C4orf36: variants seen among roughly 807,000 people sequenced by gnomAD.
C4orf36 encodes the protein uncharacterized protein C4orf36.
C4orf36 carries 11 observed loss-of-function variants against 12.2 expected under a neutral mutation model. The observed-to-expected ratio is 0.90, with a 90% CI of 0.57 to 1.49. The LOEUF is 1.49. Among genes scored for constraint, C4orf36 ranks in the 40% most tolerant of loss-of-function variants. The pLI is 0.00. For synonymous variants in C4orf36, 54 were observed against 51.3 expected, an observed-to-expected ratio of 1.05 and a Z score of -0.22; for missense variants, 137 against 133.9, an observed-to-expected ratio of 1.02 and a Z score of -0.11.
At chr4:86,891,421 CT>C (rs1353573547) in intron 2 of C4orf36, 34 bp downstream of exon 2, 1 of 1,533,864 alleles carries the variant, frequency 6.5e-7, no homozygotes, top group Non-Finnish European at 8.8e-7. Flanking sequence ...GCAGTCAATG[CT>C]TACCCTGATT....
the C4orf36 span, among the ~76,000 whole-genome samples, chr4:86,931,678 C>T: frequency 1.4e-4 from 21 of 152,130 alleles, no homozygotes; most frequent in Admixed American, 9.8e-4. Context: ...GGATTCTGAA[C>T]GTGATCACAG....
upstream of C4orf36, among the ~76,000 whole-genome samples, chr4:86,894,990 C>T (rs1747557335): frequency 6.6e-6 from 1 of 152,186 alleles, no homozygotes; most frequent in African/African-American, 2.4e-5. Flanking sequence ...CCCTAGGATT[C>T]CTGGCTCTCA....
the C4orf36 span, among the ~76,000 whole-genome samples, chr4:86,926,496 A>G: frequency 6.6e-6 from 1 of 152,196 alleles, no homozygotes; most frequent in Non-Finnish European, 1.5e-5. Flanking sequence ...ATTTAACCCA[A>G]AACAAAAGAG....
chr4:86,907,202 A>G, the C4orf36 span, among the ~76,000 whole-genome samples: 1 of 152,182 alleles, frequency 6.6e-6, no homozygotes, highest in Non-Finnish European at 1.5e-5. Context: ...TGTGAAAAAT[A>G]CAAATTTCCT....
the C4orf36 span, among the ~76,000 whole-genome samples, chr4:86,922,025 A>G: frequency 6.6e-6 from 1 of 152,226 alleles, no homozygotes; most frequent in African/African-American, 2.4e-5. Flanking sequence ...AATATGTGTG[A>G]TAGGTTTTAT....
intron 4 of C4orf36, among the ~76,000 whole-genome samples, chr4:86,884,278 A>G (rs1427151574): frequency 6.7e-6 from 1 of 148,584 alleles, no homozygotes; most frequent in Non-Finnish European, 1.5e-5. Context: ...ATAAGAAATT[A>G]GGCAGAAGGA....
chr4:86,921,334 G>A, the C4orf36 span, among the ~76,000 whole-genome samples: 10 of 152,100 alleles, frequency 6.6e-5, no homozygotes, highest in Non-Finnish European at 1.3e-4. Flanking sequence ...ACTCCACTAA[G>A]ACACCTGACC....
the C4orf36 span, among the ~76,000 whole-genome samples, chr4:86,907,751 T>C: frequency 2.6e-5 from 4 of 151,738 alleles, no homozygotes; most frequent in South Asian, 6.2e-4. Flanking sequence ...CCAAGGCGGG[T>C]GGATCACTTG....
chr4:86,934,006 T>A, the C4orf36 span, among the ~76,000 whole-genome samples: 1 of 152,106 alleles, frequency 6.6e-6, no homozygotes, highest in Non-Finnish European at 1.5e-5. Flanking sequence ...ATGTGGACAA[T>A]AAAAGAGTTG....
the C4orf36 span, among the ~76,000 whole-genome samples, chr4:86,898,323 C>T: frequency 5.9e-3 from 895 of 151,690 alleles, 13 homozygotes; most frequent in African/African-American, 0.02. Context: ...GCCCAGGAGG[C>T]AGAGGTTGCA....
chr4:86,876,795 A>ATT, intron 4 of C4orf36: 1 of 1,326,222 alleles, frequency 7.5e-7, no homozygotes, highest in Non-Finnish European at 9.9e-7. Context: ...ATAAAAAAAA[A>ATT]GAGATTTTCT....
chr4:86,920,884 C>A, the C4orf36 span, among the ~76,000 whole-genome samples: 3 of 152,048 alleles, frequency 2.0e-5, no homozygotes, highest in African/African-American at 7.2e-5. Context: ...ATAATCCCAG[C>A]ACTTTGTGGG....
intron 4 of C4orf36, among the ~76,000 whole-genome samples, chr4:86,878,228 AG>A (rs1186486087): frequency 6.6e-6 from 1 of 152,066 alleles, no homozygotes; most frequent in Non-Finnish European, 1.5e-5. Context: ...GCCCCTTTGG[AG>A]GAGGCGCATG....
At chr4:86,894,411 G>A (rs56920549), upstream of C4orf36, among the ~76,000 whole-genome samples, 1,037 of 152,190 alleles carry the variant, frequency 6.8e-3, 15 homozygotes, top group African/African-American at 0.023. Flanking sequence ...ACTTTCTTAG[G>A]TGATTTTATT....
chr4:86,888,043 A>G (rs929660096), intron 3 of C4orf36, 78 bp downstream of exon 3: 1 of 1,551,842 alleles, frequency 6.4e-7, no homozygotes. Flanking sequence ...GTGTAAATAC[A>G]CAGATTTAAA....
At chr4:86,925,870 T>A in the C4orf36 span, 3 of 151,236 alleles carry the variant, frequency 2.0e-5, no homozygotes, top group African/African-American at 7.3e-5. Flanking sequence ...TCATCTTTTT[T>A]TTTCCTTTTT....
At chr4:86,909,029 T>C in the C4orf36 span, among the ~76,000 whole-genome samples, 1 of 152,134 alleles carries the variant, frequency 6.6e-6, no homozygotes, top group African/African-American at 2.4e-5. Flanking sequence ...TCTCTCAATG[T>C]GGTGGGGAGT....
chr4:86,892,650 C>T (rs1747475720), upstream of C4orf36, among the ~76,000 whole-genome samples: 1 of 152,220 alleles, frequency 6.6e-6, no homozygotes, highest in African/African-American at 2.4e-5. Flanking sequence ...TGCATCCAAG[C>T]GATCTGGACT....
chr4:86,888,305 T>C, intron 2 of C4orf36, 30 bp from the exon 3 acceptor site: 2 of 1,599,942 alleles, frequency 1.3e-6, no homozygotes, highest in Admixed American at 1.7e-5. Flanking sequence ...ATCCATTCAA[T>C]AAATATTGAT....
Sources: allele counts gnomAD v4.1 joint callset (sites outside exome capture counted in the v4.1 genomes callset), GRCh38; gene constraint gnomAD v4.1.1; transcripts MANE v1.5; gene names NCBI Gene and HGNC (gene_info 2026-07-23, HGNC 2026-07-21).